LMNTD1: variants seen among roughly 807,000 people sequenced by gnomAD.
The protein encoded by LMNTD1 is lamin tail domain containing 1, also known as lamin tail domain-containing protein 1.
LMNTD1 carries 35 observed loss-of-function variants against 50.9 expected under a neutral mutation model. The ratio of observed to expected loss-of-function variants is 0.69; its 90% CI spans 0.53 to 0.91. The LOEUF is 0.91. LMNTD1 is among the 40% of genes least tolerant of loss of function. The pLI is 0.00. For missense variants in LMNTD1, 470 were observed against 475.5 expected, an observed-to-expected ratio of 0.99 and a Z score of 0.11; for synonymous variants, 153 against 161.9, an observed-to-expected ratio of 0.94 and a Z score of 0.42.
At chr12:25,638,469 TA>T (rs1446293450) in intron 1 of LMNTD1, among the ~76,000 whole-genome samples, 3 of 152,038 alleles carry the variant, frequency 2.0e-5, no homozygotes, top group African/African-American at 4.8e-5. Flanking sequence ...CCTATTAGAA[TA>T]AATGAGCTCA....
At chr12:25,613,480 T>C (rs1245229236) in intron 1 of LMNTD1, among the ~76,000 whole-genome samples, 1 of 152,204 alleles carries the variant, frequency 6.6e-6, no homozygotes, top group Non-Finnish European at 1.5e-5. Flanking sequence ...TGGCATAAAT[T>C]ACACAAAAGC....
At chr12:25,510,995 T>A (rs1049770755) in intron 8 of LMNTD1, among the ~76,000 whole-genome samples, 5 of 152,148 alleles carry the variant, frequency 3.3e-5, no homozygotes, top group African/African-American at 1.2e-4. Context: ...ACTCATTTGG[T>A]GGGGACCAGA....
In LMNTD1 at chr12:25,596,997, A is replaced by G. The variant is rs143988220; in HGVS notation, c.59-50443T>C. On this transcript the variant is annotated intron_variant, in intron 1 of 7. Coordinates refer to the LMNTD1 transcript ENST00000445693. ...AGCGTTAAGTTGTTATCAGCTTAAA[A>G]TAATAGGTTATAAGATAGTATTTGC... Among the ~76,000 whole-genome samples the G allele has an allele frequency of 8.5e-3, 1,294 of 152,198 alleles. 23 individuals carry two copies. Among genetic ancestry groups the G allele is most frequent in the East Asian group, 0.063 (327 of 5,188 alleles).
At chr12:25,550,550 T>C (rs138846113) in intron 2 of LMNTD1, among the ~76,000 whole-genome samples, 4 of 152,354 alleles carry the variant, frequency 2.6e-5, no homozygotes, top group African/African-American at 9.6e-5. Context: ...AGTCAGGAAC[T>C]AATTATTTTG....
chr12:25,511,677 AC>A (rs1041463655), intron 8 of LMNTD1, among the ~76,000 whole-genome samples: 1 of 152,098 alleles, frequency 6.6e-6, no homozygotes, highest in African/African-American at 2.4e-5. Flanking sequence ...TAACTATAAC[AC>A]CTATTTAAAA....
chr12:25,503,788 T>G lies in LMNTD1; in HGVS notation c.1202A>C (p.Lys401Thr). Residue 401 changes from lysine (K) to threonine (T), a missense_variant, in exon 9 of 10, where the codon AAG (lysine) becomes ACG (threonine). Transcript: ENST00000458174. ...TTGCTTTTGTGACTCAGATGTCTTC[T>G]TTTTCTTAGACCCTGAAAATTAAAA... ...RPNRASGSKK[K>T]KTSESQKQ 1.3e-6 allele frequency: 2 copies of G among 1,581,136 alleles called. No individual in the cohort carries two copies. The highest frequency in any genetic ancestry group is 1.7e-6 in the Non-Finnish European group (2 of 1,158,940).
intron 4 of LMNTD1, among the ~76,000 whole-genome samples, chr12:25,533,751 G>A (rs916451621): frequency 3.3e-5 from 5 of 152,136 alleles, no homozygotes; most frequent in Admixed American, 1.3e-4. Flanking sequence ...TTAATGTAAT[G>A]GAGATGTAAA....
Position 25,520,139 on chromosome 12 carries a change from G to GATATATATATATATAT in LMNTD1, c.799-65_799-64insATATATATATATATAT, listed in dbSNP as rs1394594290. The GATATATATATATATAT allele has an allele frequency of 2.8e-4, 42 of 152,432 alleles. 1 individual carries two copies. The highest frequency in any genetic ancestry group is 3.8e-4 in the Non-Finnish European group (29 of 75,802). The allele number at this position is 152,432 out of a possible 1,614,324, so 9.4% of individuals were successfully genotyped here. A position where few individuals can be genotyped will look rare whatever the true frequency, so the allele number is the denominator to read the frequency against. The stretch of plus-strand genomic sequence containing the variant: ...TGAGGTTTACAACATGCTGTTATGA[G>GATATATATATATATAT]ATATACATATATATATATATATATA... On this transcript the variant is annotated intron_variant, in intron 6 of 9. Transcript: ENST00000458174.
intron 1 of LMNTD1, among the ~76,000 whole-genome samples, chr12:25,572,591 G>A (rs893407522): frequency 4.6e-5 from 7 of 151,972 alleles, no homozygotes; most frequent in Admixed American, 2.0e-4. Context: ...GGGGAGGAGG[G>A]GAAGGAATGA....
At chr12:25,516,281 C>T (rs953023495) in intron 8 of LMNTD1, among the ~76,000 whole-genome samples, 1 of 152,104 alleles carries the variant, frequency 6.6e-6, no homozygotes, top group African/African-American at 2.4e-5. Context: ...GGTATCAAAG[C>T]AACTATTTTT....
At position 25,590,134 on chromosome 12, in the gene LMNTD1, T is replaced by G. The variant is rs189030207; in HGVS notation, c.59-43580A>C. ...ACAATACTTGGTTCTAACTTCATAT[T>G]GCCAAAAGAGCCACTGAAAAGGTAG... On this transcript the variant is annotated intron_variant, in intron 1 of 7. Transcript: ENST00000445693. 3.9e-3 allele frequency among the ~76,000 whole-genome samples: 562 copies of G among 142,714 alleles called. 2 individuals carry two copies. Among genetic ancestry groups the G allele is most frequent in the African/African-American group, 0.013 (537 of 40,892 alleles). The allele number at this position is 142,714 out of a possible 152,430, so 93.6% of individuals were successfully genotyped here.
chr12:25,581,453 G>T (rs1259579770), intron 1 of LMNTD1, among the ~76,000 whole-genome samples: 1 of 152,050 alleles, frequency 6.6e-6, no homozygotes, highest in Admixed American at 6.6e-5. Flanking sequence ...ATTAGGATTA[G>T]GAAAGGCGAT....
intron 4 of LMNTD1, among the ~76,000 whole-genome samples, chr12:25,543,172 C>T (rs2136206446): frequency 6.6e-6 from 1 of 151,842 alleles, no homozygotes; most frequent in Admixed American, 6.6e-5. Context: ...GATGGCTTCA[C>T]CAATAAGTTC....
At chr12:25,484,579 G>C (rs1022243246) in intron 9 of LMNTD1, among the ~76,000 whole-genome samples, 10 of 151,044 alleles carry the variant, frequency 6.6e-5, no homozygotes, top group African/African-American at 2.5e-4. Context: ...ATGTATACAT[G>C]TGCCGTGCTG....
intron 4 of LMNTD1, among the ~76,000 whole-genome samples, chr12:25,546,132 A>T (rs1943413808): frequency 6.6e-6 from 1 of 151,688 alleles, no homozygotes; most frequent in African/African-American, 2.4e-5. Flanking sequence ...CCCTATTAGT[A>T]AAGATTATGT....
At chr12:25,509,792 G>A (rs114695336) in intron 8 of LMNTD1, among the ~76,000 whole-genome samples, 223 of 152,280 alleles carry the variant, frequency 1.5e-3, no homozygotes, top group African/African-American at 5.3e-3. Flanking sequence ...GAAGACAGAG[G>A]CAGAAATTAC....
intron 1 of LMNTD1, among the ~76,000 whole-genome samples, chr12:25,599,000 G>C (rs557196637): frequency 6.6e-5 from 10 of 151,698 alleles, no homozygotes; most frequent in Non-Finnish European, 1.3e-4. Context: ...CTTATTCTAC[G>C]AGGCCAGTAT....
chr12:25,586,384 T>C (rs1328311726), intron 1 of LMNTD1, among the ~76,000 whole-genome samples: 2 of 152,176 alleles, frequency 1.3e-5, no homozygotes, highest in Non-Finnish European at 2.9e-5. Context: ...ACTACCTTCA[T>C]GCAGCCCTTG....
chr12:25,508,063 C>T (rs1158307649), intron 8 of LMNTD1, among the ~76,000 whole-genome samples: 1 of 151,380 alleles, frequency 6.6e-6, no homozygotes, highest in African/African-American at 2.4e-5. Flanking sequence ...TATAAGCTGT[C>T]CATGCTCATT....
Sources: allele counts gnomAD v4.1 joint callset (sites outside exome capture counted in the v4.1 genomes callset), GRCh38; gene constraint gnomAD v4.1.1; transcripts MANE v1.5; gene names NCBI Gene and HGNC (gene_info 2026-07-23, HGNC 2026-07-21).